The following ZNF79 variants were observed in gnomAD, a reference collection of about 807,000 sequenced individuals.
ZNF79 encodes the protein ZNFpT7.
A neutral mutation model predicts 14.9 loss-of-function variants in ZNF79; 13 were observed. The observed-to-expected ratio is 0.87, with a 90% CI of 0.57 to 1.38. The LOEUF (loss-of-function observed/expected upper bound fraction) is 1.38, where lower values mean the gene tolerates loss of function less well. ZNF79 is among the 40% of genes most tolerant of loss of function. The pLI is 0.00. For synonymous variants in ZNF79, 223 were observed against 235.1 expected (o/e 0.95, Z 0.47); for missense variants, 631 against 630.6 (o/e 1.00, Z -0.01).
Position 127,424,702 on chromosome 9 carries a change from C to A in ZNF79, c.-86C>A. ...TCCGGCCTGGGAGCCGTCAGAGCAG[C>A]CCTGCAGAACGGGGTGGGGGCTGCT... On this transcript the variant is annotated 5_prime_UTR_variant, in exon 1 of 5. Transcript: ENST00000342483. The A allele has an allele frequency of 1.3e-6, 2 of 1,599,930 alleles. No individual in the cohort carries two copies. The highest frequency in any genetic ancestry group is 1.7e-5 in the Admixed American group (1 of 59,144).
intron 4 of ZNF79, among the ~76,000 whole-genome samples, chr9:127,436,254 G>A (rs1331258689): frequency 3.3e-5 from 5 of 152,222 alleles, no homozygotes; most frequent in Non-Finnish European, 7.3e-5. Flanking sequence ...CATCCTTATG[G>A]AGGCTGCCAG....
intron 4 of ZNF79, among the ~76,000 whole-genome samples, chr9:127,436,591 C>T (rs1833951773): frequency 6.6e-6 from 1 of 152,236 alleles, no homozygotes; most frequent in Non-Finnish European, 1.5e-5. Flanking sequence ...CACCCACGTA[C>T]AGCTGCTCTC....
chr9:127,430,551 C>G (rs1001361136), intron 2 of ZNF79, among the ~76,000 whole-genome samples: 2 of 152,210 alleles, frequency 1.3e-5, no homozygotes, highest in African/African-American at 4.8e-5. Flanking sequence ...CATTAATTCA[C>G]TTAAGATAAT....
intron 2 of ZNF79, among the ~76,000 whole-genome samples, chr9:127,434,197 C>G (rs996388777): frequency 1.3e-5 from 2 of 151,998 alleles, no homozygotes; most frequent in Non-Finnish European, 2.9e-5. Flanking sequence ...CATCCGCGAA[C>G]CTTCTCCTTC....
At chr9:127,429,139 A>G (rs144464887) in intron 2 of ZNF79, among the ~76,000 whole-genome samples, 95 of 152,206 alleles carry the variant, frequency 6.2e-4, no homozygotes, top group Non-Finnish European at 1.1e-3. Context: ...TTCAGCTCCC[A>G]GGTAGCTGGG....
intron 4 of ZNF79, among the ~76,000 whole-genome samples, chr9:127,440,239 G>C (rs1834026788): frequency 6.6e-6 from 1 of 152,184 alleles, no homozygotes; most frequent in South Asian, 2.1e-4. Context: ...GGGGCACAAG[G>C]CTGAGTCGGG....
chr9:127,437,058 C>CT (rs1304267409), intron 4 of ZNF79, among the ~76,000 whole-genome samples: 2 of 84,170 alleles, frequency 2.4e-5, no homozygotes, highest in Non-Finnish European at 5.0e-5. Context: ...GAAACTCTGT[C>CT]TTAAAAAAAA....
At chr9:127,434,990 C>A in intron 2 of ZNF79, 100 bp from the exon 3 acceptor site, 1 of 1,408,150 alleles carries the variant, frequency 7.1e-7, no homozygotes, top group Non-Finnish European at 9.5e-7. Flanking sequence ...TGAATCTTTT[C>A]AAAGACTTTT....
chr9:127,426,529 C>T (rs936069452), intron 1 of ZNF79, among the ~76,000 whole-genome samples: 2 of 152,176 alleles, frequency 1.3e-5, no homozygotes, highest in Non-Finnish European at 2.9e-5. Context: ...CACCCGCCAC[C>T]ACACCCAGCT....
intron 1 of ZNF79, among the ~76,000 whole-genome samples, chr9:127,427,477 A>C (rs2131941716): frequency 6.7e-6 from 1 of 150,230 alleles, no homozygotes; most frequent in South Asian, 2.1e-4. Flanking sequence ...CTACGCCAGC[A>C]TTTCGGCCTC....
rs1378065027 is a variant in ZNF79 at position 127,424,768 on chromosome 9, TGGCGCGA to T, written c.-15_-9del. 8 of 1,613,624 alleles carry T rather than the reference TGGCGCGA, an allele frequency of 5.0e-6. No homozygotes were observed. The highest frequency in any genetic ancestry group is 5.1e-6 in the Non-Finnish European group (6 of 1,179,974). On this transcript the variant is annotated 5_prime_UTR_variant, in exon 1 of 5. Transcript: ENST00000342483. ...CGCCCAGAGAACTGCTGGGAGGCTG[TGGCGCGA>T]GGCGGGACTCAAATGCTGGAGGAAG...
At chr9:127,443,189 C>T (rs963297501) in intron 4 of ZNF79, among the ~76,000 whole-genome samples, 13 of 151,988 alleles carry the variant, frequency 8.6e-5, no homozygotes, top group Admixed American at 8.5e-4. Context: ...CCTATAATCC[C>T]CAGCACTTTG....
Position 127,444,018 on chromosome 9 carries a change from T to C in ZNF79, c.329-11T>C, listed in dbSNP as rs1834100404. 1 of 1,456,338 alleles carries C rather than the reference T, an allele frequency of 6.9e-7. No homozygotes were observed. Among genetic ancestry groups the C allele is most frequent in the Admixed American group, 2.2e-5 (1 of 45,702 alleles). The allele number at this position is 1,456,338 out of a possible 1,614,324, so 90.2% of individuals were successfully genotyped here. A position where few individuals can be genotyped will look rare whatever the true frequency, so the allele number is the denominator to read the frequency against. On this transcript the variant is annotated splice_polypyrimidine_tract_variant and intron_variant, in intron 4 of 4. Transcript: ENST00000342483. ...CCAAGGGAACACAACAGCTTTTCAT[T>C]TTTTTTTCAGGCTGGAAGATTATAT... is the stretch of plus-strand genomic sequence containing the variant.
chr9:127,424,540 C>T lies in ZNF79; in HGVS notation c.-248C>T. On this transcript the variant is annotated 5_prime_UTR_variant, in exon 1 of 5. Coordinates refer to ENST00000342483, the MANE Select transcript of ZNF79 (RefSeq NM_007135.3). ...GCAGCGGCTTTTTCACCGGGTTCTG[C>T]TTGAGGCCGAGCCAAAGAGTGGCTG... is the stretch of plus-strand genomic sequence containing the variant. The T allele has an allele frequency of 2.0e-6, 1 of 496,456 alleles. No homozygotes were observed. The highest frequency in any genetic ancestry group is 3.3e-5 in the Admixed American group (1 of 30,642). 30.8% of individuals were successfully genotyped at this position (496,456 alleles called of 1,614,324 possible). A position where few individuals can be genotyped will look rare whatever the true frequency, so the allele number is the denominator to read the frequency against.
chr9:127,444,139 C>A lies in ZNF79; in HGVS notation c.439C>A (p.Leu147Ile), dbSNP rs1467251211. ...PGDSDHGTSD[L>I]EKSFNLRPVL... ...GGATTCAGACCACGGGACCAGTGAC[C>A]TTGAGAAGAGCTTCAATCTGAGACC... Residue 147 changes from leucine (L) to isoleucine (I), a missense_variant, in exon 5 of 5, where the codon CTT (leucine) becomes ATT (isoleucine). Physicochemically the swap from Leu to Ile is conservative, Grantham distance 5. Transcript: ENST00000342483. 1 of 1,613,542 alleles carries A rather than the reference C, an allele frequency of 6.2e-7. No homozygotes were observed. Among genetic ancestry groups the A allele is most frequent in the Non-Finnish European group, 8.5e-7 (1 of 1,180,024 alleles).
intron 2 of ZNF79, among the ~76,000 whole-genome samples, chr9:127,434,691 C>T (rs1485233233): frequency 2.7e-4 from 41 of 152,222 alleles, no homozygotes; most frequent in Non-Finnish European, 1.2e-4. Context: ...CCGTGTCACA[C>T]AGGCTGGAGT....
intron 1 of ZNF79, among the ~76,000 whole-genome samples, chr9:127,428,270 C>T (rs10987649): frequency 0.11 from 16,293 of 152,170 alleles, 1,407 homozygotes; most frequent in Admixed American, 0.28. Context: ...CATAAGCCAC[C>T]GCACCTAGCC....
At chr9:127,442,532 G>C (rs1407337494) in intron 4 of ZNF79, among the ~76,000 whole-genome samples, 1 of 152,150 alleles carries the variant, frequency 6.6e-6, no homozygotes, top group East Asian at 1.9e-4. Context: ...AGTGGTAGAT[G>C]GATGTGAAGG....
chr9:127,435,239 A>G, intron 3 of ZNF79, 23 bp downstream of exon 3: 1 of 1,568,460 alleles, frequency 6.4e-7, no homozygotes, highest in Non-Finnish European at 8.6e-7. Context: ...TTTCTTTAAG[A>G]TTTAGAATCA....
Sources: gnomAD v4.1 joint callset for allele counts (sites outside exome capture counted in the v4.1 genomes callset) on GRCh38, gnomAD v4.1.1 for gene constraint, MANE v1.5 for transcripts, NCBI Gene and HGNC (gene_info 2026-07-23, HGNC 2026-07-21) for gene names.